The following ARHGAP22 variants were observed in gnomAD, a reference collection of about 807,000 sequenced individuals.
The protein encoded by ARHGAP22 is Rho GTPase activating protein 22, also known as rho GTPase-activating protein 22.
ARHGAP22 carries 48 observed loss-of-function variants against 59.1 expected under a neutral mutation model. The ratio of observed to expected loss-of-function variants is 0.81; its 90% CI spans 0.64 to 1.03. The LOEUF (loss-of-function observed/expected upper bound fraction) is 1.03. ARHGAP22 is among the 50% of genes least tolerant of loss of function. The pLI is 0.00. For synonymous variants in ARHGAP22, 445 were observed against 416.4 expected, an observed-to-expected ratio of 1.07 and a Z score of -0.84; for missense variants, 1,015 against 958.7, an observed-to-expected ratio of 1.06 and a Z score of -0.78.
intron 1 of ARHGAP22, among the ~76,000 whole-genome samples, chr10:48,622,053 C>T (rs1449055915): frequency 6.6e-6 from 1 of 152,152 alleles, no homozygotes; most frequent in African/African-American, 2.4e-5. Flanking sequence ...TCTTCCTAGA[C>T]AGCATATTGT....
chr10:48,604,609 G>C (rs1300350741), intron 1 of ARHGAP22, among the ~76,000 whole-genome samples, 154 bp downstream of exon 1: 1 of 152,186 alleles, frequency 6.6e-6, no homozygotes, highest in East Asian at 1.9e-4. Flanking sequence ...CACGAGGAAG[G>C]GCACTTCCTC....
downstream of ARHGAP22, among the ~76,000 whole-genome samples, chr10:48,442,759 G>A (rs929233968): frequency 6.6e-5 from 10 of 152,180 alleles, no homozygotes; most frequent in African/African-American, 2.4e-4. Context: ...CTGAAAGAAG[G>A]GAAAGAGGAA....
chr10:48,435,057 G>GT, the ARHGAP22 span: 34 of 421,582 alleles, frequency 8.1e-5, no homozygotes, highest in Non-Finnish European at 1.3e-4. Context: ...GGGTGGGAGG[G>GT]ATGGGGAGTC....
chr10:48,591,236 C>T (rs538057974), intron 1 of ARHGAP22, among the ~76,000 whole-genome samples: 25 of 152,304 alleles, frequency 1.6e-4, no homozygotes, highest in African/African-American at 4.8e-4. Flanking sequence ...AACACGTTAA[C>T]ACAAACACAA....
At chr10:48,524,418 C>A (rs2054137234) in intron 3 of ARHGAP22, among the ~76,000 whole-genome samples, 1 of 151,986 alleles carries the variant, frequency 6.6e-6, no homozygotes, top group Middle Eastern at 3.2e-3. Flanking sequence ...CTCCCCACGG[C>A]CCGTTACTCT....
chr10:48,443,553 G>T (rs1388732063), downstream of ARHGAP22, among the ~76,000 whole-genome samples: 1 of 152,092 alleles, frequency 6.6e-6, no homozygotes, highest in Non-Finnish European at 1.5e-5. Flanking sequence ...CTTGGTGGAG[G>T]CAGGAGTAAG....
chr10:48,575,079 A>G (rs1351806852), intron 2 of ARHGAP22: 1 of 152,120 alleles, frequency 6.6e-6, no homozygotes, highest in Admixed American at 6.5e-5. Context: ...TGGTGGTTTA[A>G]AAGTGTGTGT....
chr10:48,434,379 G>T, the ARHGAP22 span, among the ~76,000 whole-genome samples: 2 of 152,114 alleles, frequency 1.3e-5, no homozygotes, highest in African/African-American at 2.4e-5. Context: ...AACAAGATGT[G>T]CCAGAAGTAC....
At chr10:48,546,339 G>A (rs1170666739) in intron 3 of ARHGAP22, 1 of 152,258 alleles carries the variant, frequency 6.6e-6, no homozygotes. Flanking sequence ...CATAGTTTTT[G>A]TTTTATTTTT....
intron 3 of ARHGAP22, among the ~76,000 whole-genome samples, chr10:48,539,534 G>A (rs560851180): frequency 7.9e-5 from 12 of 151,516 alleles, no homozygotes; most frequent in Non-Finnish European, 1.6e-4. Flanking sequence ...CTCGTGATCC[G>A]CCCGCCTCGG....
chr10:48,450,995 G>A lies in ARHGAP22; in HGVS notation c.1134C>T (p.Asp378=). 6.4e-7 allele frequency: 1 copy of A among 1,559,548 alleles called. No homozygotes were observed. The highest frequency in any genetic ancestry group is 8.7e-7 in the Non-Finnish European group (1 of 1,152,252). The change falls in exon 9 of 10, where the codon GAC becomes GAT. Residue 378 remains aspartate (D), a synonymous_variant. Transcript: ENST00000249601. The part of the protein sequence containing the change: ...VGWGSEEVTR[D]SQGEPGGPGL... ...CGGGGCCGCCGGGCTCTCCTTGGCT[G>A]TCCCTGGTGACCTCCTCGGAGCCCC...
Position 48,555,517 on chromosome 10 carries a change from C to T in ARHGAP22, c.268G>A (p.Glu90Lys), listed in dbSNP as rs376873661. The change falls in exon 3 of 10, where the codon GAA (glutamate) becomes AAA (lysine). Residue 90 changes from glutamate (E) to lysine (K), a missense_variant. By Grantham distance (56) the Glu-to-Lys change is moderately conservative. Transcript: ENST00000249601. ...FISLQGTQVT[E>K]LPPGPEDPGK... ...GGGTCCTCGGGGCCAGGAGGAAGTT[C>T]AGTCACCTGTGTCCCTTGTAGAGAA... The T allele has an allele frequency of 8.1e-6, 13 of 1,614,104 alleles. No individual in the cohort carries two copies. The highest frequency in any genetic ancestry group is 1.6e-4 in the Middle Eastern group (1 of 6,084).
chr10:48,498,306 C>T (rs2051155215), intron 3 of ARHGAP22, among the ~76,000 whole-genome samples: 1 of 152,118 alleles, frequency 6.6e-6, no homozygotes, highest in Admixed American at 6.5e-5. Context: ...CCTGGTGAGT[C>T]CCTCTCCTCC....
chr10:48,450,628 C>T lies in ARHGAP22; in HGVS notation c.1501G>A (p.Val501Ile). 6.5e-7 allele frequency: 1 copy of T among 1,549,360 alleles called. No homozygotes were observed. The highest frequency in any genetic ancestry group is 8.7e-7 in the Non-Finnish European group (1 of 1,146,898). Reference protein sequence around the residue: ...TYDNVPAPGLVPGIPSVASMA... With the variant: ...TYDNVPAPGLIPGIPSVASMA... Reference sequence around the variant, plus strand: ...CTGGCCACGCTGGGTATGCCGGGGACCAGGCCCGGCGCGGGCACATTGTCG... The same window carrying T: ...CTGGCCACGCTGGGTATGCCGGGGATCAGGCCCGGCGCGGGCACATTGTCG... Residue 501 changes from valine to isoleucine, a missense_variant, in exon 9 of 10, where the codon GTC (valine) becomes ATC (isoleucine). Val to Ile is a conservative substitution (Grantham distance 29). Transcript: ENST00000249601.
rs958031299 is a variant in ARHGAP22, at chr10:48,603,212, A to G, written c.34+1551T>C. ...TGGTTGAGAACCATTGACTTAAAAC[A>G]AACATTTATGAGAAATCCTGGATTT... On this transcript the variant is annotated intron_variant, in intron 1 of 9. Coordinates refer to ENST00000249601, the MANE Select transcript of ARHGAP22 (RefSeq NM_021226.4). Among the ~76,000 whole-genome samples the G allele has an allele frequency of 1.1e-4, 16 of 152,234 alleles. No homozygotes were observed. The East Asian group carries it at 3.1e-3, about 29-fold the overall frequency.
intron 3 of ARHGAP22, among the ~76,000 whole-genome samples, chr10:48,520,801 C>G (rs978175930): frequency 5.9e-5 from 9 of 152,070 alleles, no homozygotes; most frequent in Non-Finnish European, 8.8e-5. Context: ...GGGCGAAGAG[C>G]TCCAAAGGCA....
chr10:48,594,242 G>A (rs1057432456), intron 1 of ARHGAP22, among the ~76,000 whole-genome samples: 10 of 152,202 alleles, frequency 6.6e-5, no homozygotes, highest in Non-Finnish European at 1.5e-4. Flanking sequence ...GGATGCTGGT[G>A]GAAGCCTGGA....
intron 1 of ARHGAP22, among the ~76,000 whole-genome samples, chr10:48,615,973 GA>G (rs1316727026): frequency 1.3e-5 from 2 of 151,242 alleles, no homozygotes; most frequent in African/African-American, 2.4e-5. Context: ...AAAAAAGAAT[GA>G]AGAAGATGAG....
intron 1 of ARHGAP22, among the ~76,000 whole-genome samples, chr10:48,650,003 A>G (rs2062485475): frequency 6.6e-6 from 1 of 151,450 alleles, no homozygotes; most frequent in African/African-American, 2.4e-5. Flanking sequence ...AGGGAGGGAG[A>G]GAGAGAGAAA....
Sources: gnomAD v4.1 joint callset for allele counts (sites outside exome capture counted in the v4.1 genomes callset) on GRCh38, gnomAD v4.1.1 for gene constraint, MANE v1.5 for transcripts, NCBI Gene and HGNC (gene_info 2026-07-23, HGNC 2026-07-21) for gene names.